Variants in SLC8A1 observed in about 807,000 individuals in gnomAD.
The protein encoded by SLC8A1 is sodium/calcium exchanger 1.
Under a neutral mutation model 68.3 loss-of-function variants are expected in SLC8A1, and 18 were observed. The observed-to-expected ratio is 0.26, with a 90% CI of 0.18 to 0.39. The LOEUF is 0.39. SLC8A1 is among the 10% of genes least tolerant of loss of function. The pLI is 1.00. For synonymous variants in SLC8A1, 475 were observed against 415.5 expected, an observed-to-expected ratio of 1.14 and a Z score of -1.74; for missense variants, 985 against 1,156.7, an observed-to-expected ratio of 0.85 and a Z score of 2.15.
chr2:40,443,654 A>C (rs536881459), intron 1 of SLC8A1, among the ~76,000 whole-genome samples: 1 of 152,202 alleles, frequency 6.6e-6, no homozygotes, highest in Non-Finnish European at 1.5e-5. Context: ...TATAGGGTCA[A>C]TGTGGTAGAT....
intron 1 of SLC8A1, among the ~76,000 whole-genome samples, chr2:40,442,969 C>G (rs771209336): frequency 9.9e-5 from 15 of 152,088 alleles, no homozygotes; most frequent in Non-Finnish European, 1.6e-4. Context: ...ATGGACGAAG[C>G]TGGAAGCCAT....
chr2:40,456,033 T>G (rs1702987922), upstream of SLC8A1, among the ~76,000 whole-genome samples: 1 of 152,172 alleles, frequency 6.6e-6, no homozygotes, highest in Admixed American at 6.5e-5. Context: ...GAATTGGGTT[T>G]GGGCTGGGCG....
At chr2:40,105,722 A>G (rs1380290051) in exon 8 of SLC8A1, 2 of 151,714 alleles carry the variant, frequency 1.3e-5, no homozygotes, top group African/African-American at 4.8e-5. Context: ...CTTGTCAAAC[A>G]AAACAGGCTG....
At chr2:40,182,063 T>G (rs980431246) in intron 2 of SLC8A1, among the ~76,000 whole-genome samples, 6 of 152,234 alleles carry the variant, frequency 3.9e-5, no homozygotes, top group Non-Finnish European at 7.3e-5. Flanking sequence ...TCCACAGGAC[T>G]TTTGCACTGT....
intron 2 of SLC8A1, among the ~76,000 whole-genome samples, chr2:40,304,433 G>T (rs1170485689): frequency 6.6e-6 from 1 of 152,102 alleles, no homozygotes; most frequent in African/African-American, 2.4e-5. Flanking sequence ...AAGGACTGTC[G>T]CATAAGGATT....
intron 2 of SLC8A1, among the ~76,000 whole-genome samples, chr2:40,289,504 C>G (rs538042850): frequency 6.6e-6 from 1 of 151,932 alleles, no homozygotes; most frequent in South Asian, 2.1e-4. Context: ...TCCAGACAAT[C>G]CCATTAAATA....
At chr2:40,212,522 A>G (rs1447273270) in intron 2 of SLC8A1, among the ~76,000 whole-genome samples, 1 of 151,924 alleles carries the variant, frequency 6.6e-6, no homozygotes, top group Non-Finnish European at 1.5e-5. Context: ...TGACCTTGCA[A>G]CGTGTCTGTG....
intron 1 of SLC8A1, among the ~76,000 whole-genome samples, chr2:40,463,168 G>T (rs1312266036): frequency 6.6e-6 from 1 of 152,172 alleles, no homozygotes; most frequent in African/African-American, 2.4e-5. Context: ...AGTAGACTCT[G>T]TAAAGCTCCA....
chr2:40,246,043 A>C (rs970422536), intron 2 of SLC8A1, among the ~76,000 whole-genome samples: 4 of 152,232 alleles, frequency 2.6e-5, no homozygotes, highest in Non-Finnish European at 4.4e-5. Flanking sequence ...CTAGTTTAAG[A>C]AATAGCTTCT....
intron 2 of SLC8A1, among the ~76,000 whole-genome samples, chr2:40,416,683 G>A (rs17039010): frequency 6.6e-5 from 10 of 152,034 alleles, no homozygotes; most frequent in African/African-American, 2.4e-4. Context: ...TCTAGGTAGC[G>A]ACCAACTAAC....
chr2:40,221,540 G>A (rs1211778132), intron 2 of SLC8A1, among the ~76,000 whole-genome samples: 1 of 152,132 alleles, frequency 6.6e-6, no homozygotes, highest in Non-Finnish European at 1.5e-5. Context: ...AGGGCAGTCA[G>A]GCAAGAGAAA....
chr2:40,302,318 C>A (rs1055782990), intron 2 of SLC8A1, among the ~76,000 whole-genome samples: 1 of 151,816 alleles, frequency 6.6e-6, no homozygotes, highest in Non-Finnish European at 1.5e-5. Flanking sequence ...TGAGTGAGAA[C>A]ATATGATCTT....
rs58039935 is a variant in SLC8A1 at position 40,176,709 on chromosome 2, T to C, written c.1912+1043A>G. Reference sequence around the variant, plus strand: ...TATGTGTCTACATAGCAATTAGTCCTATATATTTTATTTTTCCCTCTACTT... The same window carrying C: ...TATGTGTCTACATAGCAATTAGTCCCATATATTTTATTTTTCCCTCTACTT... On this transcript the variant is annotated intron_variant, in intron 3 of 7. Transcript: ENST00000406785. 7.5e-3 allele frequency among the ~76,000 whole-genome samples: 1,137 copies of C among 152,340 alleles called. 7 individuals are homozygous for C. Among genetic ancestry groups the C allele is most frequent in the African/African-American group, 0.026 (1,062 of 41,570 alleles).
intron 2 of SLC8A1, among the ~76,000 whole-genome samples, chr2:40,265,357 T>G (rs2065232812): frequency 6.6e-6 from 1 of 152,190 alleles, no homozygotes; most frequent in Non-Finnish European, 1.5e-5. Flanking sequence ...TTGTACTACC[T>G]TACAGTACAC....
At chr2:40,489,552 G>C (rs942281881) in intron 1 of SLC8A1, among the ~76,000 whole-genome samples, 2 of 152,106 alleles carry the variant, frequency 1.3e-5, no homozygotes, top group Non-Finnish European at 2.9e-5. Context: ...GTTCTTCCCA[G>C]CTGGTGTAAC....
At chr2:40,164,627 G>A (rs749960611) in intron 5 of SLC8A1, among the ~76,000 whole-genome samples, 3 of 152,136 alleles carry the variant, frequency 2.0e-5, no homozygotes, top group Non-Finnish European at 4.4e-5. Flanking sequence ...AGTCATAGAT[G>A]TCTCCTGCTG....
chr2:40,287,582 A>ATGTGTGTGTGTGTGTGCGTGTGTGTG (rs2068525954), intron 2 of SLC8A1, among the ~76,000 whole-genome samples: 1 of 127,480 alleles, frequency 7.8e-6, no homozygotes, highest in African/African-American at 3.0e-5. Context: ...CAGAGGAATG[A>ATGTGTGTGTGTGTGTGCGTGTGTGTG]TGTGTGTGTG....
At chr2:40,293,400 T>C (rs1004360404) in intron 2 of SLC8A1, among the ~76,000 whole-genome samples, 3 of 152,170 alleles carry the variant, frequency 2.0e-5, no homozygotes, top group Non-Finnish European at 4.4e-5. Context: ...GGATTGTAAA[T>C]AAAGTTGTAT....
intron 2 of SLC8A1, among the ~76,000 whole-genome samples, chr2:40,353,357 T>C (rs1050924341): frequency 6.6e-6 from 1 of 152,110 alleles, no homozygotes; most frequent in Non-Finnish European, 1.5e-5. Flanking sequence ...CCCACCCTTC[T>C]CCATCGTTCA....
Sources: allele counts gnomAD v4.1 joint callset (sites outside exome capture counted in the v4.1 genomes callset), GRCh38; gene constraint gnomAD v4.1.1; transcripts MANE v1.5; gene names NCBI Gene and HGNC (gene_info 2026-07-23, HGNC 2026-07-21).